Variants in DNAJC24 observed in about 807,000 individuals in gnomAD.
DNAJC24 encodes the protein DnaJ heat shock protein family (Hsp40) member C24, also known as dnaJ homolog subfamily C member 24.
Under a neutral mutation model 18.0 loss-of-function variants are expected in DNAJC24, and 17 were observed. The observed-to-expected ratio is 0.94, with a 90% confidence interval of 0.65 to 1.42. DNAJC24 has a LOEUF of 1.42. Ranked by LOEUF, DNAJC24 falls within the 40% of genes most tolerant of loss-of-function variation. DNAJC24 has a pLI of 0.00. For synonymous variants in DNAJC24, 55 were observed against 57.7 expected (o/e 0.95, Z 0.21); for missense variants, 158 against 175.6 (o/e 0.90, Z 0.57).
intron 2 of DNAJC24, among the ~76,000 whole-genome samples, chr11:31,372,815 C>G (rs562387278): frequency 7.4e-6 from 1 of 134,984 alleles, no homozygotes; most frequent in Admixed American, 7.6e-5. Flanking sequence ...CAGGATAATT[C>G]TTTGTTATTT....
At chr11:31,372,150 G>A (rs1202706529) in intron 2 of DNAJC24, among the ~76,000 whole-genome samples, 1 of 151,642 alleles carries the variant, frequency 6.6e-6, no homozygotes, top group East Asian at 1.9e-4. Context: ...ATGAATTGTA[G>A]TATTTGTAAA....
intron 3 of DNAJC24, among the ~76,000 whole-genome samples, chr11:31,423,419 C>A (rs1564958551): frequency 6.6e-6 from 1 of 152,168 alleles, no homozygotes; most frequent in Non-Finnish European, 1.5e-5. Context: ...CACCACCACA[C>A]CTGGCTAATT....
At chr11:31,418,680 C>A (rs1952775018) in intron 3 of DNAJC24, among the ~76,000 whole-genome samples, 1 of 151,994 alleles carries the variant, frequency 6.6e-6, no homozygotes, top group African/African-American at 2.4e-5. Flanking sequence ...AAGGTAGAAC[C>A]TTCACTATAC....
intron 2 of DNAJC24, among the ~76,000 whole-genome samples, chr11:31,411,112 G>A (rs1952704540): frequency 6.6e-6 from 1 of 152,108 alleles, no homozygotes; most frequent in African/African-American, 2.4e-5. Context: ...TGGTCTTTTA[G>A]GATCATAATG....
At chr11:31,396,916 T>C (rs1952546979) in intron 2 of DNAJC24, among the ~76,000 whole-genome samples, 2 of 152,138 alleles carry the variant, frequency 1.3e-5, no homozygotes, top group South Asian at 4.1e-4. Flanking sequence ...TAATACCCAT[T>C]TTAGTACTTT....
At chr11:31,401,856 A>G (rs1036277306) in intron 2 of DNAJC24, among the ~76,000 whole-genome samples, 3 of 152,230 alleles carry the variant, frequency 2.0e-5, no homozygotes, top group Non-Finnish European at 2.9e-5. Context: ...TCTGAGAACC[A>G]TGGGGCTGTC....
At chr11:31,418,127 C>T (rs1440902931) in intron 3 of DNAJC24, among the ~76,000 whole-genome samples, 2 of 152,036 alleles carry the variant, frequency 1.3e-5, no homozygotes, top group Admixed American at 1.3e-4. Context: ...TGAATTTAAT[C>T]AATTAGTTCT....
intron 4 of DNAJC24, chr11:31,427,676 T>C (rs1316284938): frequency 6.6e-6 from 1 of 152,172 alleles, no homozygotes; most frequent in Non-Finnish European, 1.5e-5. Context: ...TATATGTATG[T>C]TTGTATGTGT....
chr11:31,399,159 C>A (rs1165265431), intron 2 of DNAJC24, among the ~76,000 whole-genome samples: 2 of 152,048 alleles, frequency 1.3e-5, no homozygotes, highest in African/African-American at 4.8e-5. Context: ...ATCTTATGTG[C>A]AGTCATACAG....
At chr11:31,376,275 G>A (rs1489403613) in intron 2 of DNAJC24, among the ~76,000 whole-genome samples, 1 of 152,092 alleles carries the variant, frequency 6.6e-6, no homozygotes, top group East Asian at 1.9e-4. Flanking sequence ...AAATTGCTCA[G>A]TCCCGGGTAT....
chr11:31,418,314 A>G (rs546263465), intron 3 of DNAJC24, among the ~76,000 whole-genome samples: 6 of 152,286 alleles, frequency 3.9e-5, no homozygotes, highest in African/African-American at 1.4e-4. Context: ...AAATGTTCAC[A>G]TGAATAATAC....
chr11:31,415,188 A>G (rs551766968), intron 3 of DNAJC24: 4 of 385,140 alleles, frequency 1.0e-5, no homozygotes, highest in Non-Finnish European at 1.8e-5. Flanking sequence ...GCTACTTTTT[A>G]TAACATTTGA....
At chr11:31,394,914 T>C (rs1272159084) in intron 2 of DNAJC24, among the ~76,000 whole-genome samples, 5 of 152,358 alleles carry the variant, frequency 3.3e-5, no homozygotes, top group East Asian at 1.9e-4. Flanking sequence ...TGTATTGTTA[T>C]AACATTATTG....
intron 2 of DNAJC24, among the ~76,000 whole-genome samples, chr11:31,405,542 A>G (rs945129225): frequency 1.3e-5 from 2 of 152,052 alleles, no homozygotes; most frequent in Admixed American, 6.6e-5. Flanking sequence ...TAGTGGTACA[A>G]TCATCGCTCA....
At chr11:31,419,749 CTTA>C (rs1455023463) in intron 3 of DNAJC24, among the ~76,000 whole-genome samples, 1 of 152,004 alleles carries the variant, frequency 6.6e-6, no homozygotes, top group Non-Finnish European at 1.5e-5. Flanking sequence ...AGTCAGCTTT[CTTA>C]TTTTTTCCTC....
In DNAJC24 at chr11:31,403,125, A is replaced by ATGTGTGTGTGTG. The variant is rs3979423; in HGVS notation, c.112-11662_112-11651dup. 3.9e-3 allele frequency among the ~76,000 whole-genome samples: 576 copies of ATGTGTGTGTGTG among 146,670 alleles called. 1 individual carries two copies. Among genetic ancestry groups the ATGTGTGTGTGTG allele is most frequent in the African/African-American group, 0.013 (523 of 39,628 alleles). ...CTTTTCAGTTAATATGCATATATGC[A>ATGTGTGTGTGTG]TGTGTGTGTGTGTGTGTGTGTGTGT... On this transcript the variant is annotated intron_variant, in intron 2 of 4. Transcript: ENST00000465995.
rs951020835 is a variant in DNAJC24, at chr11:31,374,644, A to T, written c.111+3785A>T. 3.7e-5 allele frequency among the ~76,000 whole-genome samples: 5 copies of T among 134,934 alleles called. No homozygotes were observed. The Admixed American group carries it at 3.8e-4, about 10-fold the overall frequency. The allele number at this position is 134,934 out of a possible 152,430, so 88.5% of individuals were successfully genotyped here. On this transcript the variant is annotated intron_variant, in intron 2 of 4. Coordinates refer to ENST00000465995, the MANE Select transcript of DNAJC24 (RefSeq NM_181706.5). ...AATTGTGATTTCTGGCTTTATAGTG[A>T]GGAAGAGAGGTGGAGGGCTAACCAT...
intron 2 of DNAJC24, among the ~76,000 whole-genome samples, chr11:31,409,359 T>TGAAA (rs1952684958): frequency 1.3e-5 from 2 of 152,336 alleles, no homozygotes; most frequent in African/African-American, 4.8e-5. Flanking sequence ...TATAGCACAT[T>TGAAA]TCTGTGCCTC....
chr11:31,401,097 A>G (rs1383885233), intron 2 of DNAJC24, among the ~76,000 whole-genome samples: 1 of 152,238 alleles, frequency 6.6e-6, no homozygotes, highest in African/African-American at 2.4e-5. Context: ...TCAAAAGAAG[A>G]TATTTATGTG....
Sources: gnomAD v4.1 joint callset for allele counts (sites outside exome capture counted in the v4.1 genomes callset) on GRCh38, gnomAD v4.1.1 for gene constraint, MANE v1.5 for transcripts, NCBI Gene and HGNC (gene_info 2026-07-23, HGNC 2026-07-21) for gene names.